The following NME5 variants were observed in gnomAD, a reference collection of about 807,000 sequenced individuals.
The protein encoded by NME5 is NME/NM23 family member 5.
NME5 carries 18 observed loss-of-function variants against 21.6 expected under a neutral mutation model. That is an observed-to-expected ratio of 0.83 (90% CI 0.58 to 1.24). NME5 has a LOEUF of 1.24. NME5 is among the 50% of genes most tolerant of loss of function. NME5 has a pLI of 0.00. For missense variants in NME5, 223 were observed against 255.4 expected (o/e 0.87, Z 0.86); for synonymous variants, 70 against 80.6 (o/e 0.87, Z 0.71).
rs34623624 is a variant in NME5 at position 138,117,204 on chromosome 5, CAAA to C, written c.556-1443_556-1441del. On this transcript the variant is annotated intron_variant, in intron 5 of 5. Transcript: ENST00000265191. The stretch of plus-strand genomic sequence containing the variant: ...AGCATGGGGAACAAAGACCCTGTCT[CAAA>C]AAAAAAAAAAAAAAAAAAAGGAAAG... Among the ~76,000 whole-genome samples, 285 of 63,554 alleles carry C rather than the reference CAAA, an allele frequency of 4.5e-3. 2 individuals are homozygous for C. The highest frequency in any genetic ancestry group is 0.017 in the African/African-American group (265 of 15,192). 41.7% of individuals were successfully genotyped at this position (63,554 alleles called of 152,430 possible).
Position 138,129,379 on chromosome 5 carries a change from G to A in NME5, c.219C>T (p.Tyr73=). Residue 73 remains tyrosine, a synonymous_variant, in exon 3 of 6, where the codon TAC becomes TAT. Transcript: ENST00000265191. The part of the protein sequence containing the change: ...GKMFFPNLTA[Y]MSSGPLVAMI... ...TGGCGACAAGTGGTCCAGAACTCAT[G>A]TAAGCTGTTAAGTTGGGGAAAAACA... The A allele has an allele frequency of 2.5e-6, 4 of 1,613,954 alleles. No homozygotes were observed. Among genetic ancestry groups the A allele is most frequent in the Non-Finnish European group, 3.4e-6 (4 of 1,179,858 alleles).
At chr5:138,131,204 TAAAAAAA>T (rs762579967) in intron 2 of NME5, among the ~76,000 whole-genome samples, 125 of 80,876 alleles carry the variant, frequency 1.5e-3, no homozygotes, top group African/African-American at 7.1e-3. Context: ...CCGTCTCTGC[TAAAAAAA>T]AAAAAAAAAA....
chr5:138,117,756 G>A (rs1212660019), intron 5 of NME5, among the ~76,000 whole-genome samples: 2 of 152,126 alleles, frequency 1.3e-5, no homozygotes, highest in Non-Finnish European at 2.9e-5. Context: ...GCCAAGGCAG[G>A]TGGATCACCT....
intron 2 of NME5, among the ~76,000 whole-genome samples, chr5:138,134,844 T>C (rs1751657144): frequency 9.1e-6 from 1 of 109,578 alleles, no homozygotes; most frequent in African/African-American, 3.2e-5. Flanking sequence ...TCCTGCCTCG[T>C]AGCTGGGACT....
chr5:138,126,850 G>A (rs1751439331), intron 4 of NME5, among the ~76,000 whole-genome samples: 1 of 152,082 alleles, frequency 6.6e-6, no homozygotes, highest in Non-Finnish European at 1.5e-5. Context: ...CAAAGGCTGA[G>A]GTGGGAGGAT....
rs773094281 is a variant in NME5, at chr5:138,118,801, A to C, written c.555+17T>G. The C allele has an allele frequency of 6.6e-7, 1 of 1,508,186 alleles. No individual in the cohort carries two copies. Among genetic ancestry groups the C allele is most frequent in the South Asian group, 1.1e-5 (1 of 88,936 alleles). 93.4% of individuals were successfully genotyped at this position (1,508,186 alleles called of 1,614,324 possible). On this transcript the variant is annotated intron_variant, in intron 5 of 5. Transcript: ENST00000265191. The stretch of plus-strand genomic sequence containing the variant: ...CTGGTGACAATATTCTTAAGTGTGA[A>C]TAAAAATATTTCTTACCAAAGGATC...
intron 4 of NME5, 112 bp downstream of exon 4, chr5:138,128,367 A>C: frequency 1.2e-6 from 1 of 825,562 alleles, no homozygotes; most frequent in Non-Finnish European, 1.9e-6. Context: ...AACATAACAA[A>C]ATATACTGGA....
At chr5:138,130,510 C>T (rs2151166179) in intron 2 of NME5, among the ~76,000 whole-genome samples, 1 of 152,254 alleles carries the variant, frequency 6.6e-6, no homozygotes, top group South Asian at 2.1e-4. Context: ...AAAATTAGGC[C>T]AGGCATGGTG....
intron 2 of NME5, among the ~76,000 whole-genome samples, chr5:138,134,785 G>A (rs1192536853): frequency 6.7e-6 from 1 of 150,296 alleles, no homozygotes; most frequent in Non-Finnish European, 1.5e-5. Flanking sequence ...GAGTGCAGTG[G>A]CGCGATCTCA....
intron 2 of NME5, among the ~76,000 whole-genome samples, chr5:138,136,197 C>A (rs1339690323): frequency 6.6e-6 from 1 of 152,228 alleles, no homozygotes; most frequent in Non-Finnish European, 1.5e-5. Flanking sequence ...CTAAACAGGG[C>A]TCTGCGCATG....
intron 4 of NME5, among the ~76,000 whole-genome samples, chr5:138,120,603 A>G (rs772229350): frequency 2.6e-5 from 4 of 152,164 alleles, no homozygotes; most frequent in Non-Finnish European, 5.9e-5. Context: ...AGTCCAATTT[A>G]TCAATATTTT....
intron 4 of NME5, among the ~76,000 whole-genome samples, chr5:138,119,237 G>A (rs943070405): frequency 1.8e-4 from 28 of 151,934 alleles, no homozygotes; most frequent in Non-Finnish European, 2.9e-4. Context: ...ACAGAGTCTC[G>A]CTTTGTTGCC....
At chr5:138,132,412 G>A (rs951134601) in intron 2 of NME5, among the ~76,000 whole-genome samples, 7 of 152,096 alleles carry the variant, frequency 4.6e-5, no homozygotes, top group Admixed American at 1.3e-4. Context: ...TGGGTGAGGA[G>A]AGAAAATGCT....
intron 1 of NME5, 137 bp from the exon 2 acceptor site, chr5:138,138,922 G>C: frequency 2.5e-6 from 2 of 793,246 alleles, no homozygotes; most frequent in Non-Finnish European, 4.0e-6. Context: ...ATTAACTGAT[G>C]AAGGTAGAAA....
At position 138,128,575 on chromosome 5, in the gene NME5, T is replaced by C; in HGVS notation, c.340A>G (p.Arg114Gly). 1 of 1,608,828 alleles carries C rather than the reference T, an allele frequency of 6.2e-7. No homozygotes were observed. Among genetic ancestry groups the C allele is most frequent in the South Asian group, 1.1e-5 (1 of 90,128 alleles). ...VAKETHPDSLRAIYGTDDLRN... is the reference protein window; with the variant it reads ...VAKETHPDSLGAIYGTDDLRN... ...AGGTCATCTGTGCCATAAATTGCCC[T>C]CAGACTAAAAACAAGTTAGAGATGA... is the stretch of plus-strand genomic sequence containing the variant. Residue 114 changes from arginine (R) to glycine (G), a missense_variant, in exon 4 of 6, where the codon AGG (arginine) becomes GGG (glycine). By Grantham distance (125) the Arg-to-Gly change is moderately radical (BLOSUM62 -2). Coordinates refer to ENST00000265191, the MANE Select transcript of NME5 (RefSeq NM_003551.3).
chr5:138,138,401 A>C (rs1279604485), intron 2 of NME5: 1 of 354,800 alleles, frequency 2.8e-6, no homozygotes, highest in East Asian at 7.4e-5. Context: ...GAAGAACAGA[A>C]AGTGTTAAGT....
chr5:138,136,734 C>T (rs1751706583), intron 2 of NME5, among the ~76,000 whole-genome samples: 1 of 152,050 alleles, frequency 6.6e-6, no homozygotes. Flanking sequence ...CCTCCGCCTC[C>T]CATGTTCAAG....
Position 138,115,769 on chromosome 5 carries a change from G to T in NME5, c.556-5C>A. ...CAGCCAATCAGCTAGCCAAATCTAT[G>T]GGAAAAAAAAAAACAACCTAAGTTA... On this transcript the variant is annotated splice_polypyrimidine_tract_variant and splice_region_variant and intron_variant, in intron 5 of 5. Transcript: ENST00000265191. 6.5e-7 allele frequency: 1 copy of T among 1,548,390 alleles called. No homozygotes were observed. Among genetic ancestry groups the T allele is most frequent in the South Asian group, 1.2e-5 (1 of 81,264 alleles).
chr5:138,117,218 A>G (rs1002104145), intron 5 of NME5, among the ~76,000 whole-genome samples: 10 of 151,240 alleles, frequency 6.6e-5, no homozygotes, highest in Non-Finnish European at 7.4e-5. Flanking sequence ...AAAAAAAAAA[A>G]AAAAAAAAGG....
Sources: gnomAD v4.1 joint callset for allele counts (sites outside exome capture counted in the v4.1 genomes callset) on GRCh38, gnomAD v4.1.1 for gene constraint, MANE v1.5 for transcripts, NCBI Gene and HGNC (gene_info 2026-07-23, HGNC 2026-07-21) for gene names.